SMAD3: variants seen among roughly 807,000 people sequenced by gnomAD.
SMAD3 encodes MAD homolog 3.
A neutral mutation model predicts 51.8 loss-of-function variants in SMAD3; 12 were observed. That is an observed-to-expected ratio of 0.23 (90% CI 0.15 to 0.38). SMAD3 has a LOEUF of 0.38. SMAD3 is among the 10% of genes least tolerant of loss of function. The probability of loss-of-function intolerance (pLI) is 1.00; values close to 1 mark genes in which losing one functional copy is unlikely to be tolerated. For synonymous variants in SMAD3, 238 were observed against 227.7 expected (o/e 1.05, Z -0.41); for missense variants, 294 against 565.6 (o/e 0.52, Z 4.87).
chr15:67,178,835 C>T (rs1445557875), intron 5 of SMAD3, among the ~76,000 whole-genome samples: 1 of 152,092 alleles, frequency 6.6e-6, no homozygotes, highest in Non-Finnish European at 1.5e-5. Context: ...GCACAAGCCG[C>T]AGCTGCTCCT....
intron 1 of SMAD3, among the ~76,000 whole-genome samples, chr15:67,079,226 C>T (rs993118305): frequency 2.0e-5 from 3 of 152,132 alleles, no homozygotes; most frequent in Admixed American, 6.5e-5. Context: ...GATCTGCCCG[C>T]GTCAGCCTCC....
chr15:67,116,955 C>T (rs1961148856), intron 1 of SMAD3, among the ~76,000 whole-genome samples: 1 of 152,166 alleles, frequency 6.6e-6, no homozygotes, highest in Non-Finnish European at 1.5e-5. Flanking sequence ...AAGTTGTCAA[C>T]TACTTGGAAA....
At chr15:67,171,299 G>T (rs932437042) in intron 5 of SMAD3, among the ~76,000 whole-genome samples, 1 of 152,136 alleles carries the variant, frequency 6.6e-6, no homozygotes, top group Non-Finnish European at 1.5e-5. Context: ...GGAGTGGAGG[G>T]TCCATTGTTT....
chr15:67,144,783 T>A (rs1247900403), intron 1 of SMAD3, among the ~76,000 whole-genome samples: 3 of 152,180 alleles, frequency 2.0e-5, no homozygotes, highest in Non-Finnish European at 4.4e-5. Flanking sequence ...CTGATGCACG[T>A]TTCCAGTTTT....
At chr15:67,187,215 G>A in intron 7 of SMAD3, 150 bp from the exon 8 acceptor site, 1 of 894,700 alleles carries the variant, frequency 1.1e-6, no homozygotes, top group South Asian at 1.4e-5. Context: ...ACTGAGTGTG[G>A]AGTGTGTGGC....
intron 5 of SMAD3, chr15:67,174,511 T>G (rs1425290580): frequency 6.6e-6 from 1 of 152,364 alleles, no homozygotes; most frequent in Non-Finnish European, 1.5e-5. Context: ...AAATGAGATT[T>G]AAGAAGAGGC....
At chr15:67,097,977 C>T (rs1284093790) in intron 1 of SMAD3, among the ~76,000 whole-genome samples, 1 of 152,208 alleles carries the variant, frequency 6.6e-6, no homozygotes, top group Non-Finnish European at 1.5e-5. Flanking sequence ...TCCTCTCACA[C>T]TGTCACTCTT....
intron 1 of SMAD3, among the ~76,000 whole-genome samples, chr15:67,069,472 A>G (rs1960003823): frequency 6.6e-6 from 1 of 152,136 alleles, no homozygotes; most frequent in Non-Finnish European, 1.5e-5. Context: ...TTATATGAGG[A>G]ATAAGGAGCT....
chr15:67,134,036 C>A (rs564936036), intron 1 of SMAD3, among the ~76,000 whole-genome samples: 1 of 152,174 alleles, frequency 6.6e-6, no homozygotes, highest in East Asian at 1.9e-4. Flanking sequence ...TCACGTTTAG[C>A]AGTACTCCTC....
intron 5 of SMAD3, among the ~76,000 whole-genome samples, chr15:67,176,038 G>A (rs1160339862): frequency 1.3e-5 from 2 of 152,218 alleles, no homozygotes; most frequent in African/African-American, 4.8e-5. Flanking sequence ...CCTGGTTGCA[G>A]TATGCTGGTC....
At chr15:67,190,299 A>G (rs937374813) in intron 8 of SMAD3, 114 bp from the exon 9 acceptor site, 7 of 1,000,984 alleles carry the variant, frequency 7.0e-6, no homozygotes, top group East Asian at 2.4e-5. Flanking sequence ...GACAGCGTCT[A>G]ACAGCATCTT....
At chr15:67,115,256 T>A (rs1961109383) in intron 1 of SMAD3, among the ~76,000 whole-genome samples, 1 of 152,182 alleles carries the variant, frequency 6.6e-6, no homozygotes, top group Non-Finnish European at 1.5e-5. Context: ...AAAGTCTTTT[T>A]TTTTTTCCCA....
chr15:67,095,453 C>T (rs531231753), intron 1 of SMAD3, among the ~76,000 whole-genome samples: 12 of 152,264 alleles, frequency 7.9e-5, no homozygotes, highest in African/African-American at 2.6e-4. Flanking sequence ...GTCATCAAGG[C>T]CATCTTCATG....
chr15:67,068,557 C>A (rs1959980205), intron 1 of SMAD3, among the ~76,000 whole-genome samples: 2 of 152,364 alleles, frequency 1.3e-5, no homozygotes, highest in South Asian at 4.1e-4. Context: ...TCAAGCCAAC[C>A]TGCCCTGTGG....
intron 1 of SMAD3, among the ~76,000 whole-genome samples, chr15:67,082,660 C>T (rs973928765): frequency 1.3e-5 from 2 of 152,160 alleles, no homozygotes; most frequent in African/African-American, 2.4e-5. Flanking sequence ...AAAGTTTTGC[C>T]GTCGTCGGAC....
intron 1 of SMAD3, among the ~76,000 whole-genome samples, chr15:67,117,204 A>G (rs1050836837): frequency 1.3e-5 from 2 of 152,190 alleles, no homozygotes; most frequent in African/African-American, 4.8e-5. Flanking sequence ...GCATTTACAG[A>G]GGCCTCACAG....
intron 1 of SMAD3, among the ~76,000 whole-genome samples, chr15:67,144,510 G>T (rs1595926629): frequency 6.6e-6 from 1 of 152,274 alleles, no homozygotes. Context: ...CGTAATTAAT[G>T]ATTTAATGAG....
In SMAD3 at chr15:67,065,776, G is replaced by T. The variant is rs941168936; in HGVS notation, c.-379G>T. On this transcript the variant is annotated 5_prime_UTR_variant, in exon 1 of 9. Coordinates refer to ENST00000327367, the MANE Select transcript of SMAD3 (RefSeq NM_005902.4). The stretch of plus-strand genomic sequence containing the variant: ...CGAGGCGAGCGAAGTTTGGCCGGGG[G>T]TTGGACTTTCCTTCCCGGAGGCGGC... 5.4e-5 allele frequency: 11 copies of T among 201,912 alleles called. No individual in the cohort carries two copies. Among genetic ancestry groups the T allele is most frequent in the Non-Finnish European group, 8.2e-5 (8 of 97,864 alleles). The allele number at this position is 201,912 out of a possible 1,614,324, so 12.5% of individuals were successfully genotyped here. A position where few individuals can be genotyped will look rare whatever the true frequency, so the allele number is the denominator to read the frequency against.
At chr15:67,125,539 T>C (rs943380431) in intron 1 of SMAD3, among the ~76,000 whole-genome samples, 9 of 152,252 alleles carry the variant, frequency 5.9e-5, no homozygotes, top group Admixed American at 4.6e-4. Flanking sequence ...AACAGAATGA[T>C]AGGAGTTAAC....
Sources: gnomAD v4.1 joint callset for allele counts (sites outside exome capture counted in the v4.1 genomes callset) on GRCh38, gnomAD v4.1.1 for gene constraint, MANE v1.5 for transcripts, NCBI Gene and HGNC (gene_info 2026-07-23, HGNC 2026-07-21) for gene names.